Variants in APPBP2 observed in about 807,000 individuals in gnomAD.
APPBP2 encodes the protein amyloid beta precursor protein binding protein 2.
A neutral mutation model predicts 76.0 loss-of-function variants in APPBP2; 15 were observed. The ratio of observed to expected loss-of-function variants is 0.20; its 90% CI spans 0.13 to 0.30. APPBP2 has a LOEUF of 0.30. Ranked by LOEUF, APPBP2 falls within the 10% of genes least tolerant of loss-of-function variation. The pLI, the probability that APPBP2 is intolerant of heterozygous loss-of-function variation, is 1.00. For missense variants in APPBP2, 401 were observed against 687.2 expected, an observed-to-expected ratio of 0.58 and a Z score of 4.66; for synonymous variants, 222 against 242.2, an observed-to-expected ratio of 0.92 and a Z score of 0.77.
At chr17:60,513,092 CCT>C (rs1408890920) in intron 1 of APPBP2, 3 of 224,728 alleles carry the variant, frequency 1.3e-5, no homozygotes, top group Non-Finnish European at 2.6e-5. Flanking sequence ...ATGTCCCACC[CCT>C]GATGCTGTGC....
At chr17:60,512,585 C>T (rs2090922956) in intron 1 of APPBP2, among the ~76,000 whole-genome samples, 1 of 151,166 alleles carries the variant, frequency 6.6e-6, no homozygotes, top group South Asian at 2.1e-4. Context: ...ACCTGTAATC[C>T]CAACACTTTG....
In APPBP2 at chr17:60,445,501, C is replaced by T. The variant is rs781567377; in HGVS notation, c.*2080G>A. On this transcript the variant is annotated 3_prime_UTR_variant, in exon 13 of 13. Coordinates refer to ENST00000083182, the MANE Select transcript of APPBP2 (RefSeq NM_006380.5). The stretch of plus-strand genomic sequence containing the variant: ...AAAATATTTATTGAAAAACAATTTA[C>T]CATGACATTCCTATACCACAAACAT... 1.3e-5 allele frequency: 2 copies of T among 152,468 alleles called. No individual in the cohort carries two copies. The highest frequency in any genetic ancestry group is 2.4e-5 in the African/African-American group (1 of 41,384). 9.4% of individuals were successfully genotyped at this position (152,468 alleles called of 1,614,324 possible).
chr17:60,486,390 G>A (rs952866238), intron 3 of APPBP2, among the ~76,000 whole-genome samples: 2 of 152,138 alleles, frequency 1.3e-5, no homozygotes, highest in Non-Finnish European at 2.9e-5. Flanking sequence ...CCTGTATTGG[G>A]TGCATATATA....
chr17:60,517,738 G>T (rs1312318536), intron 1 of APPBP2, among the ~76,000 whole-genome samples: 1 of 152,074 alleles, frequency 6.6e-6, no homozygotes, highest in African/African-American at 2.4e-5. Context: ...TGGTCTATTT[G>T]TCAATCCATG....
intron 1 of APPBP2, among the ~76,000 whole-genome samples, chr17:60,517,139 C>T (rs1455618454): frequency 1.3e-5 from 2 of 152,050 alleles, no homozygotes; most frequent in Non-Finnish European, 1.5e-5. Flanking sequence ...CCATGCCTGG[C>T]TAATTTTTTT....
chr17:60,503,017 T>C (rs985306835), intron 1 of APPBP2, among the ~76,000 whole-genome samples: 2 of 142,474 alleles, frequency 1.4e-5, no homozygotes, highest in Non-Finnish European at 3.0e-5. Flanking sequence ...AATTTTCTTT[T>C]TTTTTTTTTT....
chr17:60,492,745 A>G (rs2090740329), intron 3 of APPBP2, among the ~76,000 whole-genome samples: 1 of 152,222 alleles, frequency 6.6e-6, no homozygotes, highest in Admixed American at 6.5e-5. Flanking sequence ...TTGATTTTAC[A>G]GGCTCACAGG....
intron 1 of APPBP2, 111 bp from the exon 2 acceptor site, chr17:60,500,598 A>C: frequency 1.3e-6 from 1 of 766,038 alleles, no homozygotes; most frequent in Admixed American, 2.8e-5. Flanking sequence ...GCTTATGTTA[A>C]GAGAAATGTA....
At chr17:60,502,274 T>A (rs1035494232) in intron 1 of APPBP2, among the ~76,000 whole-genome samples, 4 of 152,206 alleles carry the variant, frequency 2.6e-5, no homozygotes, top group Admixed American at 6.5e-5. Flanking sequence ...TATAGAAAAG[T>A]AAGAGCTTCT....
At chr17:60,485,912 T>C (rs964948589) in intron 3 of APPBP2, among the ~76,000 whole-genome samples, 6 of 152,212 alleles carry the variant, frequency 3.9e-5, no homozygotes, top group African/African-American at 1.2e-4. Flanking sequence ...TTTGTTCTTA[T>C]TGGTTTCAAA....
intron 1 of APPBP2, among the ~76,000 whole-genome samples, chr17:60,505,302 A>G (rs1178758868): frequency 1.3e-5 from 2 of 152,234 alleles, no homozygotes; most frequent in Non-Finnish European, 2.9e-5. Flanking sequence ...GGCACCCCCA[A>G]TGTAGAACAT....
chr17:60,475,768 A>C (rs1199861167), intron 4 of APPBP2, among the ~76,000 whole-genome samples: 1 of 152,236 alleles, frequency 6.6e-6, no homozygotes, highest in Non-Finnish European at 1.5e-5. Context: ...AAAGGAATAC[A>C]TGTCAATGGT....
At chr17:60,500,509 T>G (rs751520107) in intron 1 of APPBP2, 22 bp from the exon 2 acceptor site, 5 of 1,557,754 alleles carry the variant, frequency 3.2e-6, no homozygotes, top group Non-Finnish European at 4.3e-6. Flanking sequence ...AACAAATGAT[T>G]TAAAAATTTT....
chr17:60,489,515 G>C (rs957220597), intron 3 of APPBP2, among the ~76,000 whole-genome samples: 2 of 150,208 alleles, frequency 1.3e-5, no homozygotes, highest in African/African-American at 5.0e-5. Context: ...TGAGGCTGAG[G>C]CAGCAGAATC....
At chr17:60,511,698 A>G (rs2090915191) in intron 1 of APPBP2, among the ~76,000 whole-genome samples, 1 of 152,126 alleles carries the variant, frequency 6.6e-6, no homozygotes, top group South Asian at 2.1e-4. Flanking sequence ...TTCAGCATTT[A>G]TGTTTTTAAA....
intron 1 of APPBP2, among the ~76,000 whole-genome samples, chr17:60,523,386 A>G (rs1000247875): frequency 3.3e-5 from 5 of 152,070 alleles, no homozygotes; most frequent in Non-Finnish European, 7.4e-5. Flanking sequence ...AGTTCCAGCT[A>G]CTCAGGAGGC....
At chr17:60,499,113 T>C (rs2090800676) in intron 2 of APPBP2, among the ~76,000 whole-genome samples, 2 of 152,196 alleles carry the variant, frequency 1.3e-5, no homozygotes, top group Non-Finnish European at 2.9e-5. Context: ...AGAGGATCAC[T>C]TGAGCCCAGG....
chr17:60,449,717 T>C (rs930815366), intron 12 of APPBP2, among the ~76,000 whole-genome samples: 2 of 152,036 alleles, frequency 1.3e-5, no homozygotes, highest in African/African-American at 2.4e-5. Context: ...AGTTTCAGGA[T>C]TGTAGATCTA....
intron 3 of APPBP2, among the ~76,000 whole-genome samples, chr17:60,480,214 G>T (rs1192600043): frequency 6.6e-6 from 1 of 152,026 alleles, no homozygotes; most frequent in Non-Finnish European, 1.5e-5. Flanking sequence ...CTCTACAAAA[G>T]ATACAAAAGT....
Sources: gnomAD v4.1 joint callset for allele counts (sites outside exome capture counted in the v4.1 genomes callset) on GRCh38, gnomAD v4.1.1 for gene constraint, MANE v1.5 for transcripts, NCBI Gene and HGNC (gene_info 2026-07-23, HGNC 2026-07-21) for gene names.